The following IQCM variants were observed in gnomAD, a reference collection of about 807,000 sequenced individuals.
IQCM encodes the protein IQ motif containing M, also known as IQ domain-containing protein M.
In IQCM, 45 loss-of-function variants were observed where a neutral mutation model predicts 57.6. That is an observed-to-expected ratio of 0.78 (90% CI 0.62 to 1.00). The LOEUF is 1.00. Ranked by LOEUF, IQCM falls within the 50% of genes least tolerant of loss-of-function variation. The pLI is 0.00. For synonymous variants in IQCM, 148 were observed against 158.9 expected, an observed-to-expected ratio of 0.93 and a Z score of 0.51; for missense variants, 468 against 511.6, an observed-to-expected ratio of 0.91 and a Z score of 0.82.
At chr4:149,514,163 G>T (rs1261138890) in intron 12 of IQCM, among the ~76,000 whole-genome samples, 1 of 152,140 alleles carries the variant, frequency 6.6e-6, no homozygotes, top group African/African-American at 2.4e-5. Flanking sequence ...TAAAAATACA[G>T]ATTCCTAGTA....
intron 12 of IQCM, among the ~76,000 whole-genome samples, chr4:149,471,835 G>A (rs536816871): frequency 1.3e-5 from 2 of 152,184 alleles, no homozygotes; most frequent in South Asian, 4.2e-4. Context: ...ATTAATAAAC[G>A]TAATCCATCA....
intron 8 of IQCM, among the ~76,000 whole-genome samples, chr4:149,599,139 C>A (rs1211787267): frequency 2.0e-5 from 3 of 151,950 alleles, no homozygotes; most frequent in Non-Finnish European, 2.9e-5. Context: ...GGTTTTTTCA[C>A]AATAAGAAAT....
chr4:149,649,910 G>A (rs1270008859), intron 7 of IQCM, among the ~76,000 whole-genome samples: 1 of 152,214 alleles, frequency 6.6e-6, no homozygotes, highest in Non-Finnish European at 1.5e-5. Context: ...CGTCTCAATG[G>A]TTTGATATAG....
chr4:149,512,953 C>T (rs72955462), intron 12 of IQCM, among the ~76,000 whole-genome samples: 2,775 of 152,124 alleles, frequency 0.018, 58 homozygotes, highest in African/African-American at 0.055. Flanking sequence ...AAAACACCTC[C>T]AGTTTTTCTG....
intron 12 of IQCM, among the ~76,000 whole-genome samples, chr4:149,460,492 G>T (rs545972144): frequency 6.6e-6 from 1 of 152,228 alleles, no homozygotes; most frequent in Middle Eastern, 3.4e-3. Flanking sequence ...GTCTACTCTA[G>T]AATTACCAAA....
At chr4:149,495,076 T>C (rs190588221) in intron 12 of IQCM, among the ~76,000 whole-genome samples, 1 of 152,098 alleles carries the variant, frequency 6.6e-6, no homozygotes, top group African/African-American at 2.4e-5. Flanking sequence ...GAGCCCCAGG[T>C]TGGGACTCAG....
At chr4:149,704,576 G>A (rs917390304) in intron 5 of IQCM, among the ~76,000 whole-genome samples, 5 of 151,548 alleles carry the variant, frequency 3.3e-5, no homozygotes, top group Admixed American at 6.6e-5. Context: ...TACTTATGAA[G>A]GAAAAGTTCT....
intron 2 of IQCM, among the ~76,000 whole-genome samples, chr4:149,756,981 G>A (rs963182598): frequency 2.6e-5 from 4 of 152,318 alleles, no homozygotes; most frequent in African/African-American, 7.2e-5. Context: ...ATAGATGGCC[G>A]GGTGTGGTGG....
intron 8 of IQCM, among the ~76,000 whole-genome samples, chr4:149,588,280 T>G (rs1407397296): frequency 1.3e-5 from 2 of 151,894 alleles, no homozygotes; most frequent in Admixed American, 1.3e-4. Flanking sequence ...TTTATTTATT[T>G]ATTTATTTGT....
intron 6 of IQCM, among the ~76,000 whole-genome samples, chr4:149,683,191 C>A (rs1044253217): frequency 6.6e-6 from 1 of 151,100 alleles, no homozygotes; most frequent in African/African-American, 2.4e-5. Flanking sequence ...CAGTGTTCTT[C>A]TGTGGGATAT....
intron 2 of IQCM, among the ~76,000 whole-genome samples, chr4:149,753,261 A>G (rs894838519): frequency 6.6e-6 from 1 of 152,172 alleles, no homozygotes; most frequent in African/African-American, 2.4e-5. Context: ...ACAATAAAAA[A>G]AATGAAAAAG....
At chr4:149,779,805 C>A (rs377647759) in intron 2 of IQCM, among the ~76,000 whole-genome samples, 1 of 152,138 alleles carries the variant, frequency 6.6e-6, no homozygotes, top group Non-Finnish European at 1.5e-5. Context: ...TGCCAACTTT[C>A]AAACCCTGAA....
At chr4:149,704,370 C>G (rs192871756) in intron 5 of IQCM, among the ~76,000 whole-genome samples, 157 of 151,904 alleles carry the variant, frequency 1.0e-3, no homozygotes, top group South Asian at 1.9e-3. Flanking sequence ...TCCAGCCCAT[C>G]GCTTATTTTT....
intron 13 of IQCM, among the ~76,000 whole-genome samples, chr4:149,384,726 G>A (rs1467282916): frequency 6.6e-6 from 1 of 151,190 alleles, no homozygotes; most frequent in East Asian, 1.9e-4. Flanking sequence ...AATAACATAT[G>A]TATGCCTTTT....
chr4:149,411,148 T>C (rs2111174483), intron 13 of IQCM, among the ~76,000 whole-genome samples: 1 of 152,190 alleles, frequency 6.6e-6, no homozygotes, highest in African/African-American at 2.4e-5. Flanking sequence ...ATCCCTGAAA[T>C]TTATAAAACT....
chr4:149,614,024 G>A (rs544455860), intron 8 of IQCM, among the ~76,000 whole-genome samples: 22 of 152,154 alleles, frequency 1.4e-4, no homozygotes, highest in South Asian at 1.0e-3. Flanking sequence ...TCTACAAAAC[G>A]AATGACCTGT....
chr4:149,491,454 T>G (rs1430613867), intron 12 of IQCM, among the ~76,000 whole-genome samples: 3 of 152,158 alleles, frequency 2.0e-5, no homozygotes, highest in Non-Finnish European at 4.4e-5. Flanking sequence ...ATCATTCTAC[T>G]TTCTACTTCT....
chr4:149,764,178 T>A (rs933953658), intron 2 of IQCM, among the ~76,000 whole-genome samples: 7 of 152,092 alleles, frequency 4.6e-5, no homozygotes, highest in Non-Finnish European at 8.8e-5. Flanking sequence ...TCGAGGTCCG[T>A]CTAACCTTGT....
In IQCM at chr4:149,563,689, T is replaced by C; in HGVS notation, c.948+3A>G. On this transcript the variant is annotated splice_donor_region_variant and intron_variant, in intron 10 of 13. Coordinates refer to ENST00000636793, the MANE Select transcript of IQCM (RefSeq NM_001363507.2). Reference sequence around the variant, plus strand: ...ACATTATAATATCTGATGGATATCTTACCTTGGTCATTACTCTTTGCAATC... The same window carrying C: ...ACATTATAATATCTGATGGATATCTCACCTTGGTCATTACTCTTTGCAATC... 8.1e-7 allele frequency: 1 copy of C among 1,230,950 alleles called. No individual in the cohort carries two copies. The highest frequency in any genetic ancestry group is 4.1e-5 in the South Asian group (1 of 24,300). 76.3% of individuals were successfully genotyped at this position (1,230,950 alleles called of 1,614,324 possible).
Sources: allele counts gnomAD v4.1 joint callset (sites outside exome capture counted in the v4.1 genomes callset), GRCh38; gene constraint gnomAD v4.1.1; transcripts MANE v1.5; gene names NCBI Gene and HGNC (gene_info 2026-07-23, HGNC 2026-07-21).